Variants in ST3GAL4 observed in about 807,000 individuals in gnomAD.
ST3GAL4 encodes the protein CMP-N-acetylneuraminate-beta-galactosamide-alpha-2,3-sialyltransferase 4.
A neutral mutation model predicts 42.6 loss-of-function variants in ST3GAL4; 24 were observed. That is an observed-to-expected ratio of 0.56 (90% CI 0.41 to 0.79). The LOEUF (loss-of-function observed/expected upper bound fraction) is 0.79. ST3GAL4 is among the 30% of genes least tolerant of loss of function. The pLI is 0.00. For synonymous variants in ST3GAL4, 135 were observed against 163.2 expected (o/e 0.83, Z 1.32); for missense variants, 311 against 430.8 (o/e 0.72, Z 2.46).
rs1954401271 is a variant in ST3GAL4, at chr11:126,409,046, C to A, written c.628-222C>A. Among the ~76,000 whole-genome samples the A allele has an allele frequency of 6.6e-6, 1 of 152,200 alleles. No homozygotes were observed. Among genetic ancestry groups the A allele is most frequent in the Non-Finnish European group, 1.5e-5 (1 of 68,040 alleles). The stretch of plus-strand genomic sequence containing the variant: ...AGACCCTCCACTCTATACACCTGGT[C>A]ACCTGGCCTCCCGAGGGGGTGCCTT... On this transcript the variant is annotated intron_variant, in intron 8 of 10. Coordinates refer to ENST00000444328, the MANE Select transcript of ST3GAL4 (RefSeq NM_001254757.2). This position sits in a 1 kb window ranked among gnomAD's most constrained non-coding sequence, Gnocchi z 4.9.
rs144826882 is a variant in ST3GAL4, at chr11:126,366,579, G to C, written c.-61+10737G>C. Among the ~76,000 whole-genome samples, 13 of 152,112 alleles carry C rather than the reference G, an allele frequency of 8.5e-5. No homozygotes were observed. Among genetic ancestry groups the C allele is most frequent in the African/African-American group, 2.9e-4 (12 of 41,422 alleles). ...GGGGCCCTGTTCCACTCTCCTTCCC[G>C]TGTGCAGGGCCCTCCCCTCTGGCGA... On this transcript the variant is annotated intron_variant, in intron 1 of 10. Transcript: ENST00000444328. The surrounding 1 kb of genome is among the most constrained non-coding windows in gnomAD (Gnocchi z 4.2).
chr11:126,407,765 G>T, intron 6 of ST3GAL4, 131 bp downstream of exon 6: 1 of 1,035,480 alleles, frequency 9.7e-7, no homozygotes, highest in Non-Finnish European at 1.4e-6. Context: ...AATTCTCATG[G>T]TAGCCTAGCC....
Position 126,373,199 on chromosome 11 carries a change from T to C in ST3GAL4, c.-61+17357T>C, listed in dbSNP as rs1952719174. 1.3e-5 allele frequency among the ~76,000 whole-genome samples: 2 copies of C among 152,106 alleles called. No homozygotes were observed. On this transcript the variant is annotated intron_variant, in intron 1 of 10. Coordinates refer to ENST00000444328, the MANE Select transcript of ST3GAL4 (RefSeq NM_001254757.2). The surrounding 1 kb of genome is among the most constrained non-coding windows in gnomAD (Gnocchi z 5.5). ...TGGAGAGGCGGTGCTGCTTTGGAGA[T>C]GGATTAATCAGGAACTTGGGTGCTG...
intron 1 of ST3GAL4, among the ~76,000 whole-genome samples, chr11:126,385,559 A>AT (rs916502396): frequency 6.6e-6 from 1 of 152,026 alleles, no homozygotes; most frequent in African/African-American, 2.4e-5. Flanking sequence ...TGGTTCCACT[A>AT]TTTTCGACCT....
At chr11:126,369,520 T>C (rs1382528116) in intron 1 of ST3GAL4, among the ~76,000 whole-genome samples, 1 of 152,218 alleles carries the variant, frequency 6.6e-6, no homozygotes, top group African/African-American at 2.4e-5. Context: ...GTGCTGGGAC[T>C]ATAGGCATGA....
At chr11:126,390,323 G>GTTT (rs142562472) in intron 1 of ST3GAL4, among the ~76,000 whole-genome samples, 16 of 148,892 alleles carry the variant, frequency 1.1e-4, no homozygotes, top group South Asian at 6.3e-4. Flanking sequence ...AGTGTTTCCA[G>GTTT]TTTGTTTGTT....
At chr11:126,385,419 TGGGATGACA>T (rs1953189943) in intron 1 of ST3GAL4, among the ~76,000 whole-genome samples, 1 of 152,078 alleles carries the variant, frequency 6.6e-6, no homozygotes, top group Non-Finnish European at 1.5e-5. Context: ...CCTAAAGTGC[TGGGATGACA>T]GGCATGAGCC....
At chr11:126,403,445 T>C in intron 1 of ST3GAL4, 1 of 985,422 alleles carries the variant, frequency 1.0e-6, no homozygotes, top group Non-Finnish European at 1.2e-6. Context: ...GAGCTCTTTG[T>C]AGTGTTTCCC....
Position 126,386,105 on chromosome 11 carries a change from C to A in ST3GAL4, c.-60-19991C>A, listed in dbSNP as rs1434212831. ...ACCTTCTCTTGCCTACCCCATCTTC[C>A]CATGGCTGCCCTTCATGTAGGCCTC... On this transcript the variant is annotated intron_variant, in intron 1 of 10. Transcript: ENST00000444328. The surrounding 1 kb of genome is among the most constrained non-coding windows in gnomAD (Gnocchi z 4.7). Among the ~76,000 whole-genome samples the A allele has an allele frequency of 3.3e-5, 5 of 152,222 alleles. No individual in the cohort carries two copies. The highest frequency in any genetic ancestry group is 7.2e-5 in the African/African-American group (3 of 41,458).
chr11:126,356,848 A>C (rs959017493), intron 1 of ST3GAL4, among the ~76,000 whole-genome samples: 1 of 152,212 alleles, frequency 6.6e-6, no homozygotes. Flanking sequence ...GTACAGGCTG[A>C]GTTCTCACAA....
At chr11:126,390,017 C>CAAAAAAAAAAAAAAAAAAAA (rs57306343) in intron 1 of ST3GAL4, among the ~76,000 whole-genome samples, 3 of 114,586 alleles carry the variant, frequency 2.6e-5, no homozygotes, top group Admixed American at 9.6e-5. Context: ...GCTAAAAATA[C>CAAAAAAAAAAAAAAAAAAAA]AAAAAAAAAA....
chr11:126,388,040 A>G (rs1325911973), intron 1 of ST3GAL4, among the ~76,000 whole-genome samples: 1 of 152,218 alleles, frequency 6.6e-6, no homozygotes, highest in Admixed American at 6.5e-5. Context: ...TAACCCCTAG[A>G]AAAAGTGCTG....
chr11:126,394,549 G>A (rs1953654905), intron 1 of ST3GAL4, among the ~76,000 whole-genome samples: 1 of 152,118 alleles, frequency 6.6e-6, no homozygotes, highest in African/African-American at 2.4e-5. Flanking sequence ...CTCAGCCTCT[G>A]AAGTAATTGG....
chr11:126,406,985 G>A lies in ST3GAL4; in HGVS notation c.144G>A (p.Gln48=), dbSNP rs748173852. 1 of 1,614,112 alleles carries A rather than the reference G, an allele frequency of 6.2e-7. No homozygotes were observed. Among genetic ancestry groups the A allele is most frequent in the Non-Finnish European group, 8.5e-7 (1 of 1,180,018 alleles). The change falls in exon 4 of 11, where the codon CAG becomes CAA. Residue 48 remains glutamine (Q), a synonymous_variant. Transcript: ENST00000444328. The surrounding 1 kb of genome is among the most constrained non-coding windows in gnomAD (Gnocchi z 5.4). The stretch of plus-strand genomic sequence containing the variant: ...CAGAGAAGAAGGAGCCGTGCCTCCA[G>A]GGTGAGGCAGAGAGCAAGGCCTCTA... The part of the protein sequence containing the change: ...PIPEKKEPCL[Q]GEAESKASKL...
At chr11:126,358,670 G>A (rs1952154657) in intron 1 of ST3GAL4, among the ~76,000 whole-genome samples, 1 of 152,206 alleles carries the variant, frequency 6.6e-6, no homozygotes, top group Non-Finnish European at 1.5e-5. Context: ...CCCAAAGGTT[G>A]CTTGGGTTGT....
chr11:126,408,187 G>C lies in ST3GAL4; in HGVS notation c.430G>C (p.Val144Leu). ...AGATGCCATCAACAAGTACGATGTG[G>C]TCATCAGGTGTGTGTGACTGTCTCT... Reference protein sequence around the residue: ...LGDAINKYDVVIRLNNAPVAG... With the variant: ...LGDAINKYDVLIRLNNAPVAG... The change falls in exon 7 of 11, where the codon GTC becomes CTC. Residue 144 changes from valine (V) to leucine (L), a missense_variant. Val to Leu is a conservative substitution (Grantham distance 32). Transcript: ENST00000444328. 1 of 1,614,150 alleles carries C rather than the reference G, an allele frequency of 6.2e-7. No homozygotes were observed. The highest frequency in any genetic ancestry group is 8.5e-7 in the Non-Finnish European group (1 of 1,179,998).
Position 126,398,560 on chromosome 11 carries a change from C to T in ST3GAL4, c.-60-7536C>T, listed in dbSNP as rs1446750373. Among the ~76,000 whole-genome samples, 3 of 152,350 alleles carry T rather than the reference C, an allele frequency of 2.0e-5. No homozygotes were observed. The highest frequency in any genetic ancestry group is 3.4e-3 in the Middle Eastern group (1 of 294). ...GTTCTGGGGTGTCAGGATGGCCTTA[C>T]TCCCACAGCTCCACTAGGCTTCCTG... On this transcript the variant is annotated intron_variant, in intron 1 of 10. Coordinates refer to ENST00000444328, the MANE Select transcript of ST3GAL4 (RefSeq NM_001254757.2). The surrounding 1 kb of genome is among the most constrained non-coding windows in gnomAD (Gnocchi z 4.7).
intron 1 of ST3GAL4, among the ~76,000 whole-genome samples, chr11:126,372,715 G>A (rs1331120551): frequency 6.6e-6 from 1 of 152,004 alleles, no homozygotes; most frequent in East Asian, 1.9e-4. Context: ...TCACCCGGCC[G>A]TCTTTGGATT....
rs558508281 is a variant in ST3GAL4 at position 126,395,113 on chromosome 11, A to G, written c.-60-10983A>G. On this transcript the variant is annotated intron_variant, in intron 1 of 10. Coordinates refer to ENST00000444328, the MANE Select transcript of ST3GAL4 (RefSeq NM_001254757.2). ...ACAGCGTCCAGCCAGGGGCTGTGCC[A>G]CAGGGGCCAGAAGATATCTGACCTA... Among the ~76,000 whole-genome samples, 388 of 152,306 alleles carry G rather than the reference A, an allele frequency of 2.5e-3. 5 individuals carry two copies. Among genetic ancestry groups the G allele is most frequent in the Middle Eastern group, 6.8e-3 (2 of 294 alleles).
Sources: gnomAD v4.1 joint callset for allele counts (sites outside exome capture counted in the v4.1 genomes callset) on GRCh38, gnomAD v4.1.1 for gene constraint, Gnocchi (gnomAD v3.1) non-coding constraint, MANE v1.5 for transcripts, NCBI Gene and HGNC (gene_info 2026-07-23, HGNC 2026-07-21) for gene names.